Variants in LIFR observed in about 807,000 individuals in gnomAD.
The protein encoded by LIFR is leukemia inhibitory factor receptor.
LIFR carries 84 observed loss-of-function variants against 122.2 expected under a neutral mutation model. The ratio of observed to expected loss-of-function variants is 0.69; its 90% CI spans 0.58 to 0.82. The LOEUF is 0.82. LIFR is among the 40% of genes least tolerant of loss of function. The pLI is 0.00. For missense variants in LIFR, 1,294 were observed against 1,311.6 expected (o/e 0.99, Z 0.21); for synonymous variants, 422 against 434.7 (o/e 0.97, Z 0.36).
chr5:38,542,576 C>T (rs1473331601), intron 1 of LIFR, among the ~76,000 whole-genome samples: 4 of 152,166 alleles, frequency 2.6e-5, no homozygotes, highest in Non-Finnish European at 4.4e-5. Context: ...CTCCATGGCT[C>T]TCCCTGGCCT....
chr5:38,608,299 A>G (rs1162534671), exon 1 of LIFR: 1 of 151,990 alleles, frequency 6.6e-6, no homozygotes, highest in African/African-American at 2.4e-5. Context: ...ATTTTCTTCT[A>G]TTTGCTTTTC....
At chr5:38,535,258 G>A (rs1031234314) in intron 1 of LIFR, among the ~76,000 whole-genome samples, 2 of 152,088 alleles carry the variant, frequency 1.3e-5, no homozygotes, top group Non-Finnish European at 2.9e-5. Context: ...TTCCCTTCTT[G>A]CTAATTTCAT....
chr5:38,487,895 T>C (rs1292066499), intron 16 of LIFR, among the ~76,000 whole-genome samples: 1 of 152,218 alleles, frequency 6.6e-6, no homozygotes, highest in Non-Finnish European at 1.5e-5. Flanking sequence ...TTCTCAACAA[T>C]GCCTGACTGC....
intron 1 of LIFR, among the ~76,000 whole-genome samples, chr5:38,543,169 TAATAAG>T (rs958676791): frequency 7.9e-5 from 12 of 151,998 alleles, no homozygotes; most frequent in East Asian, 3.9e-4. Context: ...TGGAAAAGGT[TAATAAG>T]AATGATACTA....
intron 2 of LIFR, among the ~76,000 whole-genome samples, chr5:38,602,992 C>A (rs751455048): frequency 2.0e-5 from 3 of 152,202 alleles, no homozygotes; most frequent in Non-Finnish European, 4.4e-5. Flanking sequence ...TGCATGCTTA[C>A]AACTTCCTAA....
At chr5:38,516,868 T>TATGCAGCC (rs1203978410) in intron 5 of LIFR, among the ~76,000 whole-genome samples, 1 of 152,148 alleles carries the variant, frequency 6.6e-6, no homozygotes, top group Non-Finnish European at 1.5e-5. Flanking sequence ...CATGGAGTAC[T>TATGCAGCC]ATGCAGCCAT....
At chr5:38,516,060 A>G (rs1580088297) in intron 5 of LIFR, among the ~76,000 whole-genome samples, 3 of 152,340 alleles carry the variant, frequency 2.0e-5, no homozygotes, top group Admixed American at 1.3e-4. Context: ...TTACAGTTCT[A>G]AAGAAATGTG....
At chr5:38,563,898 G>A (rs1748919946) in intron 1 of LIFR, among the ~76,000 whole-genome samples, 1 of 152,184 alleles carries the variant, frequency 6.6e-6, no homozygotes, top group Non-Finnish European at 1.5e-5. Flanking sequence ...GCCACTTCTA[G>A]TTTCAGGAGC....
intron 12 of LIFR, 63 bp downstream of exon 12, chr5:38,499,450 C>A: frequency 9.0e-7 from 1 of 1,105,362 alleles, no homozygotes; most frequent in Non-Finnish European, 1.4e-6. Flanking sequence ...ACCCAAGTAC[C>A]ATGCGTAAGT....
intron 1 of LIFR, among the ~76,000 whole-genome samples, chr5:38,578,640 C>G (rs559249985): frequency 1.3e-5 from 2 of 151,900 alleles, no homozygotes; most frequent in Admixed American, 1.3e-4. Flanking sequence ...CAAACTCTGC[C>G]TCCCGGGTTC....
At chr5:38,541,271 TAAGA>T (rs1747577293) in intron 1 of LIFR, among the ~76,000 whole-genome samples, 1 of 152,200 alleles carries the variant, frequency 6.6e-6, no homozygotes. Context: ...GCATTCTTGT[TAAGA>T]AATAAAATCC....
At position 38,477,650 on chromosome 5, in the gene LIFR, C is replaced by T. The variant is rs761465550; in HGVS notation, c.*3945G>A. On this transcript the variant is annotated 3_prime_UTR_variant, in exon 20 of 20. Coordinates refer to ENST00000453190, the MANE Select transcript of LIFR (RefSeq NM_001127671.2). ...TCAGTTTTCACTCAAACCGTGGAGT[C>T]ACTTCCGAAGTAGATTTGAATCTTT... The T allele has an allele frequency of 5.1e-5, 11 of 214,816 alleles. No homozygotes were observed. The highest frequency in any genetic ancestry group is 1.2e-4 in the Admixed American group (2 of 17,118). The allele number at this position is 214,816 out of a possible 1,614,324, so 13.3% of individuals were successfully genotyped here.
intron 5 of LIFR, among the ~76,000 whole-genome samples, chr5:38,519,680 G>A (rs971750749): frequency 1.3e-5 from 2 of 152,106 alleles, no homozygotes; most frequent in Non-Finnish European, 2.9e-5. Context: ...ACCTCCATGA[G>A]ATCAGCTTTT....
Position 38,476,734 on chromosome 5 carries a change from C to T in LIFR, c.*4861G>A. The T allele has an allele frequency of 9.5e-6, 2 of 209,990 alleles. No individual in the cohort carries two copies. The highest frequency in any genetic ancestry group is 1.9e-5 in the Non-Finnish European group (2 of 103,464). 13.0% of individuals were successfully genotyped at this position (209,990 alleles called of 1,614,324 possible). A position where few individuals can be genotyped will look rare whatever the true frequency, so the allele number is the denominator to read the frequency against. On this transcript the variant is annotated 3_prime_UTR_variant, in exon 20 of 20. Coordinates refer to ENST00000453190, the MANE Select transcript of LIFR (RefSeq NM_001127671.2). ...TCAATCAGTTTTTCTTTTATAAGAG[C>T]TTTTGATGTACTGTTTCTACGGTTC...
chr5:38,558,471 A>G (rs1263480649), upstream of LIFR: 1 of 152,198 alleles, frequency 6.6e-6, no homozygotes, highest in Non-Finnish European at 1.5e-5. Flanking sequence ...CACCTGTGAA[A>G]TAGGTACTAT....
intron 2 of LIFR, among the ~76,000 whole-genome samples, chr5:38,602,157 C>T (rs1358002938): frequency 6.6e-6 from 1 of 152,186 alleles, no homozygotes; most frequent in Non-Finnish European, 1.5e-5. Flanking sequence ...CCAATCAGTC[C>T]TCCAATGCCA....
At position 38,552,653 on chromosome 5, in the gene LIFR, T is replaced by C. The variant is rs953648564; in HGVS notation, c.-20+3681A>G. ...ATAATTTACTGAAAAGGTTTGTTTT[T>C]AAGGTTTTACACTTGAATTTCATGG... On this transcript the variant is annotated intron_variant, in intron 1 of 19. Coordinates refer to ENST00000453190, the MANE Select transcript of LIFR (RefSeq NM_001127671.2). Among the ~76,000 whole-genome samples the C allele has an allele frequency of 9.2e-5, 14 of 152,224 alleles. 1 individual carries two copies. The highest frequency in any genetic ancestry group is 3.4e-4 in the African/African-American group (14 of 41,454).
intron 1 of LIFR, among the ~76,000 whole-genome samples, chr5:38,592,322 C>T (rs1749946415): frequency 6.6e-6 from 1 of 152,024 alleles, no homozygotes; most frequent in Non-Finnish European, 1.5e-5. Flanking sequence ...AAGGTATAGA[C>T]AAGCAACATC....
chr5:38,593,704 C>T (rs752189452), intron 1 of LIFR, among the ~76,000 whole-genome samples: 2 of 152,078 alleles, frequency 1.3e-5, no homozygotes, highest in African/African-American at 2.4e-5. Context: ...CAGGTGGGGC[C>T]TTGGGGAAGT....
Sources: gnomAD v4.1 joint callset for allele counts (sites outside exome capture counted in the v4.1 genomes callset) on GRCh38, gnomAD v4.1.1 for gene constraint, MANE v1.5 for transcripts, NCBI Gene and HGNC (gene_info 2026-07-23, HGNC 2026-07-21) for gene names.